PRSS41: variants seen among roughly 807,000 people sequenced by gnomAD.
PRSS41 encodes the protein serine protease 41.
Under a neutral mutation model 28.8 loss-of-function variants are expected in PRSS41, and 37 were observed. The ratio of observed to expected loss-of-function variants is 1.29; its 90% CI spans 0.99 to 1.69. The LOEUF (loss-of-function observed/expected upper bound fraction) is 1.69, where lower values mean the gene tolerates loss of function less well. PRSS41 is among the 40% of genes most tolerant of loss of function. The pLI is 0.00. For missense variants in PRSS41, 431 were observed against 400.7 expected, an observed-to-expected ratio of 1.08 and a Z score of -0.65; for synonymous variants, 195 against 163.1, an observed-to-expected ratio of 1.20 and a Z score of -1.49.
intron 4 of PRSS41, among the ~76,000 whole-genome samples, chr16:2,802,957 C>T (rs535188347): frequency 6.5e-4 from 99 of 152,288 alleles, no homozygotes; most frequent in African/African-American, 2.4e-3. Context: ...AGTATAGTAA[C>T]CTCAGCTCTC....
exon 4 of PRSS41, chr16:2,799,414 G>A (rs767858569): frequency 3.2e-6 from 5 of 1,552,028 alleles, no homozygotes; most frequent in Non-Finnish European, 4.4e-6. Flanking sequence ...GACGCACTTG[G>A]GGTTTTACGC....
At chr16:2,805,129 C>T (rs1360203911) in exon 6 of PRSS41, 2 of 1,549,372 alleles carry the variant, frequency 1.3e-6, no homozygotes, top group Non-Finnish European at 1.7e-6. Flanking sequence ...TGTGGGCTCC[C>T]TGACTCCTGC....
Position 2,799,305 on chromosome 16 carries a change from T to TGTCC in PRSS41, c.278_279insTCCG (p.Trp93CysfsTer35). On this transcript the variant is annotated frameshift_variant, in exon 4 of 6. Coordinates refer to ENST00000399677, the Ensembl canonical transcript of PRSS41. LOFTEE classifies it high-confidence loss of function. ...TGCTAGGCACTACTATCCCTCCGAG[T>TGTCC]GGACGGTCCAGCTGGGCGAGCTGAC... The TGTCC allele has an allele frequency of 6.4e-7, 1 of 1,551,452 alleles. No homozygotes were observed. Among genetic ancestry groups the TGTCC allele is most frequent in the East Asian group, 2.4e-5 (1 of 40,904 alleles).
exon 3 of PRSS41, chr16:2,798,999 C>T (rs897054707): frequency 2.0e-6 from 3 of 1,469,210 alleles, no homozygotes; most frequent in Non-Finnish European, 2.7e-6. Context: ...TGGTGGCGGG[C>T]GGAGTGGAGT....
Position 2,798,940 on chromosome 16 carries a change from G to T in PRSS41, c.92-19G>T, listed in dbSNP as rs1441898935. 4.9e-6 allele frequency: 6 copies of T among 1,234,184 alleles called. No individual in the cohort carries two copies. The Admixed American group carries it at 6.9e-5, about 14-fold the overall frequency. The allele number at this position is 1,234,184 out of a possible 1,614,324, so 76.5% of individuals were successfully genotyped here. ...CCACCCCACCCGGCAGCTCAGCCGC[G>T]TCCGTCTGTCCATCCCAGAGGCCTG... On this transcript the variant is annotated intron_variant, in intron 2 of 5. Coordinates refer to ENST00000399677, the Ensembl canonical transcript of PRSS41.
chr16:2,798,576 CG>C (rs1596308790), intron 1 of PRSS41, 28 bp downstream of exon 1: 6 of 1,526,178 alleles, frequency 3.9e-6, no homozygotes, highest in African/African-American at 1.4e-5. Context: ...CAGGCGGGAC[CG>C]GGGGCAGCGA....
chr16:2,802,024 C>A (rs960397645), intron 4 of PRSS41, among the ~76,000 whole-genome samples: 22 of 143,392 alleles, frequency 1.5e-4, no homozygotes, highest in Admixed American at 4.1e-4. Flanking sequence ...TGGGGCTGAC[C>A]CCCCCCACCT....
intron 4 of PRSS41, among the ~76,000 whole-genome samples, chr16:2,800,332 G>C: frequency 6.6e-6 from 1 of 152,176 alleles, no homozygotes; most frequent in East Asian, 1.9e-4. Context: ...CCTGAGGTCA[G>C]GAGTTCGAGA....
Position 2,799,695 on chromosome 16 carries a change from C to T in PRSS41, c.541+126C>T, listed in dbSNP as rs1047763357. 8 of 967,092 alleles carry T rather than the reference C, an allele frequency of 8.3e-6. No homozygotes were observed. In the Admixed American group the frequency reaches 1.1e-4, roughly 14 times the overall value. 59.9% of individuals were successfully genotyped at this position (967,092 alleles called of 1,614,324 possible). On this transcript the variant is annotated intron_variant, in intron 4 of 5. Coordinates refer to ENST00000399677, the Ensembl canonical transcript of PRSS41. ...TCTGGGGCTGCAACCTGCGCCCCTC[C>T]TGCTCTCATTCTCTCCTCACTTGCT... is the stretch of plus-strand genomic sequence containing the variant.
chr16:2,803,596 CAAT>C, intron 4 of PRSS41, among the ~76,000 whole-genome samples: 1 of 152,294 alleles, frequency 6.6e-6, no homozygotes, highest in African/African-American at 2.4e-5. Flanking sequence ...ACCAAAACTA[CAAT>C]AATACTGACT....
At chr16:2,798,490 C>G (rs2068961825) in exon 1 of PRSS41, 9 of 1,513,204 alleles carry the variant, frequency 5.9e-6, no homozygotes, top group African/African-American at 2.9e-5. Flanking sequence ...AGGCCATGGG[C>G]GCGCGCGGGG....
At chr16:2,799,542 G>C in exon 4 of PRSS41, 1 of 1,551,706 alleles carries the variant, frequency 6.4e-7, no homozygotes. Context: ...CTGGGTGACC[G>C]GCTGGGGGTT....
chr16:2,801,018 G>A (rs1223435954), intron 4 of PRSS41, among the ~76,000 whole-genome samples: 1 of 152,058 alleles, frequency 6.6e-6, no homozygotes, highest in African/African-American at 2.4e-5. Flanking sequence ...TTTGTGGGAT[G>A]TATCAATAAG....
In PRSS41 at chr16:2,799,227, G is replaced by A. The variant is rs539775934; in HGVS notation, c.258-59G>A. 1.4e-5 allele frequency: 22 copies of A among 1,532,318 alleles called. No homozygotes were observed. In the Admixed American group the frequency reaches 3.0e-4, roughly 21 times the overall value. 94.9% of individuals were successfully genotyped at this position (1,532,318 alleles called of 1,614,324 possible). A position where few individuals can be genotyped will look rare whatever the true frequency, so the allele number is the denominator to read the frequency against. Reference sequence around the variant, plus strand: ...TGGCCTCAGGGACTGGGCCTCCAGCGTGCTCAGGCGGCCAGCCCCCTATTC... The same window carrying A: ...TGGCCTCAGGGACTGGGCCTCCAGCATGCTCAGGCGGCCAGCCCCCTATTC... On this transcript the variant is annotated intron_variant, in intron 3 of 5. Transcript: ENST00000399677.
chr16:2,802,637 C>T (rs1342163097), intron 4 of PRSS41, among the ~76,000 whole-genome samples: 2 of 152,234 alleles, frequency 1.3e-5, no homozygotes, highest in Non-Finnish European at 2.9e-5. Flanking sequence ...CCCGGCACCT[C>T]GGGAGGCCGA....
At chr16:2,802,443 G>A (rs1348221207) in intron 4 of PRSS41, among the ~76,000 whole-genome samples, 2 of 151,878 alleles carry the variant, frequency 1.3e-5, no homozygotes, top group African/African-American at 4.8e-5. Flanking sequence ...GACGATGGGC[G>A]GCCAGGCAGA....
chr16:2,800,542 CAAAAA>C (rs56393015), intron 4 of PRSS41, among the ~76,000 whole-genome samples: 3 of 81,948 alleles, frequency 3.7e-5, no homozygotes, highest in Non-Finnish European at 5.3e-5. Flanking sequence ...GACTCCATCT[CAAAAA>C]AAAAAAAAAA....
exon 1 of PRSS41, chr16:2,798,496 C>G (rs765464544): frequency 2.6e-6 from 4 of 1,518,848 alleles, no homozygotes; most frequent in Non-Finnish European, 3.5e-6. Context: ...TGGGCGCGCG[C>G]GGGGCGCTGC....
exon 1 of PRSS41, chr16:2,798,523 G>T: frequency 6.6e-7 from 1 of 1,526,342 alleles, no homozygotes; most frequent in South Asian, 1.2e-5. Context: ...CGCTGCTGCT[G>T]GCTCGGGCTG....
Sources: allele counts gnomAD v4.1 joint callset (sites outside exome capture counted in the v4.1 genomes callset), GRCh38; gene constraint gnomAD v4.1.1; transcripts MANE v1.5; gene names NCBI Gene and HGNC (gene_info 2026-07-23, HGNC 2026-07-21).